Variants in GSG1 observed in about 807,000 individuals in gnomAD.
GSG1 encodes the protein germ cell-specific gene 1 protein.
Under a neutral mutation model 30.8 loss-of-function variants are expected in GSG1, and 28 were observed. The ratio of observed to expected loss-of-function variants is 0.91; its 90% CI spans 0.67 to 1.25. The LOEUF (loss-of-function observed/expected upper bound fraction) is 1.25. Among genes scored for constraint, GSG1 ranks in the 50% most tolerant of loss-of-function variants. The probability of loss-of-function intolerance (pLI) is 0.00; values close to 1 mark genes in which losing one functional copy is unlikely to be tolerated. For missense variants in GSG1, 435 were observed against 444.7 expected (o/e 0.98, Z 0.20); for synonymous variants, 162 against 178.0 (o/e 0.91, Z 0.71).
chr12:13,102,908 G>T (rs1320132248), intron 1 of GSG1, among the ~76,000 whole-genome samples: 1 of 152,252 alleles, frequency 6.6e-6, no homozygotes, highest in Non-Finnish European at 1.5e-5. Flanking sequence ...GATCCCTGAA[G>T]ATTCTGCTGG....
Position 13,100,561 on chromosome 12 carries a change from C to G in GSG1, c.48+2904G>C, listed in dbSNP as rs528910988. On this transcript the variant is annotated intron_variant, in intron 1 of 6. Coordinates refer to ENST00000651961, the MANE Select transcript of GSG1 (RefSeq NM_001080555.4). ...TGGAAATGTTATGTCCTTTTCCAAGCTGGGTGGACCCCTACTGATTAGAGC... is the reference window on the plus strand; with the variant it reads ...TGGAAATGTTATGTCCTTTTCCAAGGTGGGTGGACCCCTACTGATTAGAGC... 3.9e-5 allele frequency among the ~76,000 whole-genome samples: 6 copies of G among 152,322 alleles called. No homozygotes were observed. The South Asian group carries it at 1.2e-3, about 32-fold the overall frequency.
chr12:13,103,434 G>A, intron 1 of GSG1, 31 bp downstream of exon 1: 1 of 1,517,464 alleles, frequency 6.6e-7, no homozygotes, highest in Non-Finnish European at 9.2e-7. Flanking sequence ...TGTATGAGAT[G>A]TTCATGAGAT....
chr12:13,099,758 T>G (rs991670206), intron 1 of GSG1, among the ~76,000 whole-genome samples: 16 of 133,934 alleles, frequency 1.2e-4, no homozygotes, highest in East Asian at 8.9e-4. Context: ...TTGTTTTTTT[T>G]TTTTTTTTTT....
rs1035639466 is a variant in GSG1 at position 13,101,842 on chromosome 12, G to C, written c.48+1623C>G. Among the ~76,000 whole-genome samples, 1 of 152,224 alleles carries C rather than the reference G, an allele frequency of 6.6e-6. No homozygotes were observed. Among genetic ancestry groups the C allele is most frequent in the Non-Finnish European group, 1.5e-5 (1 of 68,032 alleles). On this transcript the variant is annotated intron_variant, in intron 1 of 6. Transcript: ENST00000651961. The surrounding 1 kb of genome is among the most constrained non-coding windows in gnomAD (Gnocchi z 5.8). ...ACTTCACCACCCAGACCCCTCAGCA[G>C]ATCCGAGTTCTATTTACGACCCAAT... is the stretch of plus-strand genomic sequence containing the variant.
chr12:13,098,137 CTTTG>C (rs777592535), intron 1 of GSG1, among the ~76,000 whole-genome samples: 24 of 149,392 alleles, frequency 1.6e-4, no homozygotes, highest in African/African-American at 4.7e-4. Context: ...ATTTTGTGTT[CTTTG>C]TTTTTTTTTT....
At chr12:13,102,261 G>A (rs1863268571) in intron 1 of GSG1, among the ~76,000 whole-genome samples, 1 of 152,188 alleles carries the variant, frequency 6.6e-6, no homozygotes, top group Non-Finnish European at 1.5e-5. Flanking sequence ...CCAAGGCACA[G>A]TCACCTTTAA....
At chr12:13,099,940 C>G (rs1022707953) in intron 1 of GSG1, among the ~76,000 whole-genome samples, 1 of 152,168 alleles carries the variant, frequency 6.6e-6, no homozygotes, top group African/African-American at 2.4e-5. Flanking sequence ...TTTCGGCTAT[C>G]GCCGGTCTGA....
intron 6 of GSG1, among the ~76,000 whole-genome samples, chr12:13,086,252 A>C (rs1051681481): frequency 7.9e-5 from 12 of 152,212 alleles, no homozygotes; most frequent in African/African-American, 2.9e-4. Flanking sequence ...GACAGACAAA[A>C]GGTGAGAAGT....
In GSG1 at chr12:13,083,896, G is replaced by C. The variant is rs1245477456; in HGVS notation, c.*1005C>G. ...TCTTTATGGCTGCATAGTATTCCAT[G>C]GTGTATATGTGCCACATTTTCTTAA... On this transcript the variant is annotated 3_prime_UTR_variant, in exon 7 of 7. Transcript: ENST00000651961. 3 of 152,004 alleles carry C rather than the reference G, an allele frequency of 2.0e-5. No individual in the cohort carries two copies. The highest frequency in any genetic ancestry group is 2.0e-4 in the Admixed American group (3 of 15,268). 9.4% of individuals were successfully genotyped at this position (152,004 alleles called of 1,614,324 possible).
chr12:13,095,786 GA>G (rs1255903589), intron 1 of GSG1: 1 of 1,502,534 alleles, frequency 6.7e-7, no homozygotes, highest in African/African-American at 1.4e-5. Flanking sequence ...GCCTTACAGG[GA>G]ACACGGGCAT....
At chr12:13,090,167 C>T (rs1174817302) in intron 2 of GSG1, among the ~76,000 whole-genome samples, 1 of 152,210 alleles carries the variant, frequency 6.6e-6, no homozygotes, top group Non-Finnish European at 1.5e-5. Context: ...GCTCCCTAGA[C>T]CAGAAATTCT....
At chr12:13,096,473 CA>C (rs775026265) in intron 1 of GSG1, among the ~76,000 whole-genome samples, 13,647 of 74,134 alleles carry the variant, frequency 0.18, 463 homozygotes, top group Middle Eastern at 0.32. Context: ...GACTCTGTCT[CA>C]AAAAAAAAAA....
intron 1 of GSG1, 33 bp from the exon 2 acceptor site, chr12:13,090,851 G>A: frequency 1.3e-6 from 2 of 1,562,888 alleles, no homozygotes; most frequent in Non-Finnish European, 1.7e-6. Flanking sequence ...GAAGGGAAGG[G>A]AGCAGGGGAG....
chr12:13,099,766 T>TTTTTTTTTTTTTTTTTTTCTTTTTC (rs1565551493), intron 1 of GSG1, among the ~76,000 whole-genome samples: 1 of 121,162 alleles, frequency 8.3e-6, no homozygotes, highest in African/African-American at 3.3e-5. Flanking sequence ...TTTTTTTTTT[T>TTTTTTTTTTTTTTTTTTTCTTTTTC]TTGTTTTTTC....
intron 6 of GSG1, 106 bp downstream of exon 6, chr12:13,087,046 G>GGATGAAGA: frequency 1.4e-6 from 1 of 708,320 alleles, no homozygotes; most frequent in Non-Finnish European, 2.5e-6. Context: ...TTGGGATGAG[G>GGATGAAGA]GATGAAGAGA....
chr12:13,087,765 A>C, intron 5 of GSG1, 142 bp downstream of exon 5: 1 of 763,878 alleles, frequency 1.3e-6, no homozygotes, highest in Non-Finnish European at 2.0e-6. Context: ...ATGTTACTTC[A>C]ATTTAAAATT....
chr12:13,088,010 T>C lies in GSG1; in HGVS notation c.531A>G (p.Gln177=). 1 of 1,614,234 alleles carries C rather than the reference T, an allele frequency of 6.2e-7. No individual in the cohort carries two copies. Among genetic ancestry groups the C allele is most frequent in the Non-Finnish European group, 8.5e-7 (1 of 1,180,046 alleles). ...TTAGTAGCAGGAGGAAGCTGATGAA[T>C]TGAAGTCCGATGTAGGTGATCTGCG... The part of the protein sequence containing the change: ...LGTQITYIGL[Q]FISFLLLLTD... The change falls in exon 5 of 7, where the codon CAA becomes CAG. Residue 177 remains glutamine (Q), a synonymous_variant. Transcript: ENST00000651961.
chr12:13,091,379 G>A (rs1370042483), intron 1 of GSG1, among the ~76,000 whole-genome samples: 1 of 152,202 alleles, frequency 6.6e-6, no homozygotes, highest in Non-Finnish European at 1.5e-5. Context: ...AGCAGCCCTT[G>A]CTGGGTTTCC....
At position 13,103,629 on chromosome 12, in the gene GSG1, G is replaced by C. The variant is rs1863376158; in HGVS notation, c.-117C>G. The C allele has an allele frequency of 8.2e-6, 9 of 1,094,804 alleles. No individual in the cohort carries two copies. Among genetic ancestry groups the C allele is most frequent in the African/African-American group, 1.5e-5 (1 of 64,746 alleles). The allele number at this position is 1,094,804 out of a possible 1,614,324, so 67.8% of individuals were successfully genotyped here. A position where few individuals can be genotyped will look rare whatever the true frequency, so the allele number is the denominator to read the frequency against. ...AATCAGGTCCCCTCTTGCCAGCAGA[G>C]GGGTAAGGTGGTGTGTGGTGGATTG... is the stretch of plus-strand genomic sequence containing the variant. On this transcript the variant is annotated 5_prime_UTR_variant, in exon 1 of 7. Transcript: ENST00000651961.
Sources: gnomAD v4.1 joint callset for allele counts (sites outside exome capture counted in the v4.1 genomes callset) on GRCh38, gnomAD v4.1.1 for gene constraint, Gnocchi (gnomAD v3.1) non-coding constraint, MANE v1.5 for transcripts, NCBI Gene and HGNC (gene_info 2026-07-23, HGNC 2026-07-21) for gene names.